Variants in MTMR10 observed in about 807,000 individuals in gnomAD.
The protein encoded by MTMR10 is myotubularin related protein 10, also known as myotubularin-related protein 10.
Under a neutral mutation model 88.1 loss-of-function variants are expected in MTMR10, and 56 were observed. The ratio of observed to expected loss-of-function variants is 0.64; its 90% CI spans 0.51 to 0.79. The LOEUF is 0.79. MTMR10 is among the 30% of genes least tolerant of loss of function. MTMR10 has a pLI of 0.00. For missense variants in MTMR10, 883 were observed against 924.7 expected (o/e 0.95, Z 0.58); for synonymous variants, 380 against 340.9 (o/e 1.11, Z -1.26).
chr15:30,958,883 C>T lies in MTMR10; in HGVS notation c.915G>A (p.Gln305=). The T allele has an allele frequency of 1.2e-6, 2 of 1,613,898 alleles. No individual in the cohort carries two copies. Among genetic ancestry groups the T allele is most frequent in the Non-Finnish European group, 8.5e-7 (1 of 1,179,808 alleles). The change falls in exon 9 of 16, where the codon CAG becomes CAA. Residue 305 remains glutamine (Q), a synonymous_variant. Transcript: ENST00000435680. ...VRMALIKDVL[Q]QRKIDQRICN... ...ATTACCTCTGGTCAATCTTCCTCTG[C>T]TGCAGCACGTCTTTGATGAGGGCCA...
the MTMR10 span, among the ~76,000 whole-genome samples, chr15:30,919,582 G>T: frequency 5.3e-5 from 8 of 151,444 alleles, no homozygotes. Flanking sequence ...TCCCAGCCTC[G>T]GAAGGCTGAG....
intron 9 of MTMR10, among the ~76,000 whole-genome samples, chr15:30,955,970 CT>C (rs200291336): frequency 2.1e-5 from 3 of 142,426 alleles, no homozygotes; most frequent in East Asian, 4.4e-4. Context: ...TTCCACACCA[CT>C]TTAAAAAAAC....
rs143732860 is a variant in MTMR10, at chr15:30,963,923, T to C, written c.566-2850A>G. 6.1e-3 allele frequency among the ~76,000 whole-genome samples: 932 copies of C among 152,206 alleles called. 8 individuals carry two copies. The highest frequency in any genetic ancestry group is 0.02 in the Middle Eastern group (6 of 294). Reference sequence around the variant, plus strand: ...ATTAGAAAATCTAAGTAATTCATCATATGACTACATTAAACACGAAAAAGG... The same window carrying C: ...ATTAGAAAATCTAAGTAATTCATCACATGACTACATTAAACACGAAAAAGG... On this transcript the variant is annotated intron_variant, in intron 6 of 15. Coordinates refer to ENST00000435680, the MANE Select transcript of MTMR10 (RefSeq NM_017762.3).
the MTMR10 span, among the ~76,000 whole-genome samples, chr15:30,931,208 A>G: frequency 2.6e-5 from 4 of 152,094 alleles, no homozygotes; most frequent in Admixed American, 2.6e-4. Context: ...CCCACAAAAA[A>G]TTTTTTAAAA....
At chr15:30,933,100 CTT>C in the MTMR10 span, among the ~76,000 whole-genome samples, 1 of 152,048 alleles carries the variant, frequency 6.6e-6, no homozygotes, top group Non-Finnish European at 1.5e-5. Flanking sequence ...TAATTTGTGT[CTT>C]TTCTCTTTTT....
intron 2 of MTMR10, among the ~76,000 whole-genome samples, chr15:30,988,773 G>A (rs1041645980): frequency 2.0e-5 from 3 of 152,134 alleles, no homozygotes; most frequent in African/African-American, 7.2e-5. Flanking sequence ...CGGATCACCT[G>A]AGGGCAGGAG....
At chr15:30,976,620 A>C (rs1336962233) in intron 3 of MTMR10, among the ~76,000 whole-genome samples, 199 bp downstream of exon 3, 1 of 152,244 alleles carries the variant, frequency 6.6e-6, no homozygotes, top group Non-Finnish European at 1.5e-5. Context: ...GGTGACTTAC[A>C]ATCCTCTCAC....
At chr15:30,981,649 G>A (rs76521410) in intron 2 of MTMR10, among the ~76,000 whole-genome samples, 2,283 of 152,276 alleles carry the variant, frequency 0.015, 57 homozygotes, top group African/African-American at 0.052. Flanking sequence ...CTGAAATTAC[G>A]TCTACATTTT....
At chr15:30,952,250 C>T (rs1156814887) in intron 11 of MTMR10, among the ~76,000 whole-genome samples, 1 of 152,234 alleles carries the variant, frequency 6.6e-6, no homozygotes, top group Admixed American at 6.5e-5. Flanking sequence ...CTCCCTGCTG[C>T]TACTCAGCAT....
chr15:30,945,590 A>G (rs1454365360), intron 14 of MTMR10, among the ~76,000 whole-genome samples: 1 of 152,146 alleles, frequency 6.6e-6, no homozygotes, highest in Non-Finnish European at 1.5e-5. Context: ...AATGGGGAAG[A>G]GCTGAAGGAG....
At chr15:30,951,751 C>T (rs1215746331) in intron 12 of MTMR10, among the ~76,000 whole-genome samples, 1 of 152,200 alleles carries the variant, frequency 6.6e-6, no homozygotes, top group Non-Finnish European at 1.5e-5. Flanking sequence ...CCGCCCGCCT[C>T]GACCTCCCAA....
intron 6 of MTMR10, among the ~76,000 whole-genome samples, chr15:30,967,638 A>C (rs574532343): frequency 6.6e-6 from 1 of 152,302 alleles, no homozygotes; most frequent in South Asian, 2.1e-4. Context: ...AGGGTGGGTT[A>C]TATATTCTTC....
At chr15:30,954,734 T>C (rs1566951742) in intron 10 of MTMR10, 29 bp downstream of exon 10, 6 of 1,567,168 alleles carry the variant, frequency 3.8e-6, no homozygotes, top group Non-Finnish European at 5.2e-6. Flanking sequence ...CCTGTGTTCA[T>C]TATATATATG....
chr15:30,936,187 G>A (rs925212561), downstream of MTMR10, among the ~76,000 whole-genome samples: 1 of 152,112 alleles, frequency 6.6e-6, no homozygotes, highest in African/African-American at 2.4e-5. Flanking sequence ...TCATGAAGAT[G>A]ACATGTAGTA....
chr15:30,928,648 G>A, the MTMR10 span: 12 of 1,613,694 alleles, frequency 7.4e-6, no homozygotes, highest in African/African-American at 1.3e-5. Flanking sequence ...CTTCAGAAAC[G>A]CCTGTCAGGT....
the MTMR10 span, among the ~76,000 whole-genome samples, chr15:30,932,183 C>G: frequency 7.1e-6 from 1 of 139,988 alleles, no homozygotes; most frequent in Non-Finnish European, 1.5e-5. Flanking sequence ...GATTGCGCCA[C>G]TGCACTCCAG....
the MTMR10 span, chr15:30,929,074 T>G: frequency 2.3e-6 from 2 of 851,562 alleles, no homozygotes; most frequent in Non-Finnish European, 3.6e-6. Context: ...CAATTAACTT[T>G]TACTTATCTT....
intron 2 of MTMR10, among the ~76,000 whole-genome samples, chr15:30,985,985 A>G (rs2030914197): frequency 6.6e-6 from 1 of 152,158 alleles, no homozygotes; most frequent in Non-Finnish European, 1.5e-5. Context: ...TCAGGAAAGG[A>G]TAATTTGTCA....
the MTMR10 span, chr15:30,920,732 C>T: frequency 1.3e-6 from 1 of 799,868 alleles, no homozygotes. Flanking sequence ...GTCGGGCTCT[C>T]AGCATTTCCT....
Sources: allele counts gnomAD v4.1 joint callset (sites outside exome capture counted in the v4.1 genomes callset), GRCh38; gene constraint gnomAD v4.1.1; transcripts MANE v1.5; gene names NCBI Gene and HGNC (gene_info 2026-07-23, HGNC 2026-07-21).